The following HERC1 variants were observed in gnomAD, a reference collection of about 807,000 sequenced individuals.
HERC1 encodes the protein HECT and RLD domain containing E3 ubiquitin protein ligase family member 1.
A neutral mutation model predicts 554.3 loss-of-function variants in HERC1; 160 were observed. The observed-to-expected ratio is 0.29, with a 90% confidence interval of 0.25 to 0.33. HERC1 has a LOEUF of 0.33. HERC1 is among the 10% of genes least tolerant of loss of function. HERC1 has a pLI of 1.00. For synonymous variants in HERC1, 2,175 were observed against 2,131.7 expected, an observed-to-expected ratio of 1.02 and a Z score of -0.56; for missense variants, 4,919 against 5,918.5, an observed-to-expected ratio of 0.83 and a Z score of 5.54.
At position 63,657,807 on chromosome 15, in the gene HERC1, A is replaced by C. The variant is rs138312899; in HGVS notation, c.9599+737T>G. 7.2e-5 allele frequency among the ~76,000 whole-genome samples: 11 copies of C among 152,202 alleles called. No homozygotes were observed. In the East Asian group the frequency reaches 2.1e-3, roughly 29 times the overall value. On this transcript the variant is annotated intron_variant, in intron 48 of 77. Coordinates refer to ENST00000443617, the MANE Select transcript of HERC1 (RefSeq NM_003922.4). ...GCCACTTTATAACTATTTGCTTTAT[A>C]TAGTTTGAGGTTGGGACCAAGGCTT...
chr15:63,616,772 C>A lies in HERC1; in HGVS notation c.13689-90G>T, dbSNP rs2067836840. The A allele has an allele frequency of 8.7e-6, 10 of 1,142,872 alleles. No individual in the cohort carries two copies. In the East Asian group the frequency reaches 2.1e-4, roughly 24 times the overall value. The allele number at this position is 1,142,872 out of a possible 1,614,324, so 70.8% of individuals were successfully genotyped here. ...ACAACAGCTATAGCGTTAGTCTATACCTGTACTGTTCAATATGGCATCCAT... is the reference window on the plus strand; with the variant it reads ...ACAACAGCTATAGCGTTAGTCTATAACTGTACTGTTCAATATGGCATCCAT... On this transcript the variant is annotated intron_variant, in intron 74 of 77. Coordinates refer to ENST00000443617, the MANE Select transcript of HERC1 (RefSeq NM_003922.4).
rs558767777 is a variant in HERC1, at chr15:63,814,948, C to G, written c.-27+18879G>C. Among the ~76,000 whole-genome samples the G allele has an allele frequency of 2.6e-5, 4 of 152,322 alleles. No individual in the cohort carries two copies. In the South Asian group the frequency reaches 8.3e-4, roughly 32 times the overall value. On this transcript the variant is annotated intron_variant, in intron 1 of 77. Coordinates refer to ENST00000443617, the MANE Select transcript of HERC1 (RefSeq NM_003922.4). ...GATTATTACAAGTTCATGAATAAAACTGTATAACCTCAGATCTCATGTATA... is the reference window on the plus strand; with the variant it reads ...GATTATTACAAGTTCATGAATAAAAGTGTATAACCTCAGATCTCATGTATA...
intron 3 of HERC1, among the ~76,000 whole-genome samples, chr15:63,763,846 AT>A (rs2075687764): frequency 6.6e-6 from 1 of 152,126 alleles, no homozygotes; most frequent in Non-Finnish European, 1.5e-5. Context: ...TTAATACAAC[AT>A]TTTTTCAATT....
intron 56 of HERC1, 131 bp from the exon 57 acceptor site, chr15:63,645,228 A>G: frequency 1.4e-6 from 1 of 734,406 alleles, no homozygotes; most frequent in Non-Finnish European, 2.3e-6. Flanking sequence ...AGTACATACA[A>G]TCTTTTACAA....
In HERC1 at chr15:63,718,554, T is replaced by G; in HGVS notation, c.3978+20A>C. The G allele has an allele frequency of 6.5e-7, 1 of 1,531,126 alleles. No homozygotes were observed. Among genetic ancestry groups the G allele is most frequent in the Non-Finnish European group, 8.8e-7 (1 of 1,132,828 alleles). 94.8% of individuals were successfully genotyped at this position (1,531,126 alleles called of 1,614,324 possible). A position where few individuals can be genotyped will look rare whatever the true frequency, so the allele number is the denominator to read the frequency against. On this transcript the variant is annotated intron_variant, in intron 21 of 77. Transcript: ENST00000443617. This position sits in a 1 kb window ranked among gnomAD's most constrained non-coding sequence, Gnocchi z 4.2. ...ACAGCTTGCAGAAAAACATAGAAAT[T>G]AATTGATTTCAAACTTTACCCATCT...
Position 63,637,660 on chromosome 15 carries a change from G to T in HERC1, c.12094-17C>A. 6.5e-7 allele frequency: 1 copy of T among 1,536,642 alleles called. No homozygotes were observed. The highest frequency in any genetic ancestry group is 1.4e-5 in the African/African-American group (1 of 72,484). On this transcript the variant is annotated splice_polypyrimidine_tract_variant and intron_variant, in intron 63 of 77. Transcript: ENST00000443617. ...ACAAATGACCTAGTATAAAAACACA[G>T]AATTAAATATTTTATTCTTTATTAT...
At chr15:63,766,057 A>G (rs1596194656) in intron 2 of HERC1, among the ~76,000 whole-genome samples, 1 of 152,046 alleles carries the variant, frequency 6.6e-6, no homozygotes, top group African/African-American at 2.4e-5. Flanking sequence ...TTTGGTTTAC[A>G]TAACTCACTA....
chr15:63,658,727 C>A lies in HERC1; in HGVS notation c.9425-9G>T, dbSNP rs2070184686. The stretch of plus-strand genomic sequence containing the variant: ...TACGGAGCCATGGCAACCTGAAAAA[C>A]ATAATTCTGTTTTGTTCTCAACAAG... On this transcript the variant is annotated splice_polypyrimidine_tract_variant and intron_variant, in intron 47 of 77. Transcript: ENST00000443617. 2.5e-6 allele frequency: 4 copies of A among 1,603,906 alleles called. 1 individual carries two copies. The highest frequency in any genetic ancestry group is 3.4e-6 in the Non-Finnish European group (4 of 1,173,492).
Position 63,713,455 on chromosome 15 carries a change from A to G in HERC1, c.4361T>C (p.Leu1454Ser), listed in dbSNP as rs1399693694. The change falls in exon 23 of 78, where the codon TTA (leucine) becomes TCA (serine). Residue 1454 changes from leucine (L) to serine (S), a missense_variant. By Grantham distance (145) the Leu-to-Ser change is moderately radical (BLOSUM62 -2). Around this residue, in one of 11 missense-constraint regions of HERC1, gnomAD observed 1,121 missense variants for 1,244.0 expected, o/e 0.90. Transcript: ENST00000443617. Reference protein sequence around the residue: ...SVIHRCALLILGVSPVIDELQ... With the variant: ...SVIHRCALLISGVSPVIDELQ... Reference sequence around the variant, plus strand: ...CTCATCTATCACAGGACTTACTCCTAATATTAACAGGGCACACCGATGGAT... The same window carrying G: ...CTCATCTATCACAGGACTTACTCCTGATATTAACAGGGCACACCGATGGAT... 1 of 1,613,878 alleles carries G rather than the reference A, an allele frequency of 6.2e-7. No individual in the cohort carries two copies. The highest frequency in any genetic ancestry group is 8.5e-7 in the Non-Finnish European group (1 of 1,179,882).
At chr15:63,624,427 T>A in intron 71 of HERC1, 100 bp from the exon 72 acceptor site, 1 of 1,102,092 alleles carries the variant, frequency 9.1e-7, no homozygotes, top group East Asian at 2.4e-5. Context: ...CTGGGCGCAG[T>A]GGCTCATGCC....
At chr15:63,651,874 A>G (rs1360828030) in intron 52 of HERC1, among the ~76,000 whole-genome samples, 1 of 152,094 alleles carries the variant, frequency 6.6e-6, no homozygotes, top group Non-Finnish European at 1.5e-5. Context: ...TGTCTCTACT[A>G]ATAATACAAA....
At position 63,674,930 on chromosome 15, in the gene HERC1, G is replaced by A; in HGVS notation, c.7258C>T (p.His2420Tyr). Residue 2420 changes from histidine (H) to tyrosine (Y), a missense_variant, in exon 38 of 78, where the codon CAT becomes TAT. This residue lies in a region of HERC1 where 1,963 missense variants were observed against 2,228.6 expected (regional missense o/e 0.88). Transcript: ENST00000443617. Reference sequence around the variant, plus strand: ...ACATCCCCTTTCTCCTCGGATTCATGTCGGTGTTTCTTTTCATGTCGTTTG... The same window carrying A: ...ACATCCCCTTTCTCCTCGGATTCATATCGGTGTTTCTTTTCATGTCGTTTG... ...STKRHEKKHRHESEEKGDVEQ... is the reference protein window; with the variant it reads ...STKRHEKKHRYESEEKGDVEQ... 3 of 1,613,980 alleles carry A rather than the reference G, an allele frequency of 1.9e-6. No homozygotes were observed. The highest frequency in any genetic ancestry group is 2.2e-5 in the East Asian group (1 of 44,888).
intron 74 of HERC1, among the ~76,000 whole-genome samples, chr15:63,620,380 C>A (rs1157442692): frequency 6.6e-6 from 1 of 151,888 alleles, no homozygotes; most frequent in Non-Finnish European, 1.5e-5. Flanking sequence ...AATTTCTGTT[C>A]TTTTACATTT....
At chr15:63,770,650 G>T (rs2075924261) in intron 2 of HERC1, among the ~76,000 whole-genome samples, 1 of 152,252 alleles carries the variant, frequency 6.6e-6, no homozygotes, top group Non-Finnish European at 1.5e-5. Flanking sequence ...GGGCAGCAGA[G>T]ATTAAGAATC....
intron 22 of HERC1, among the ~76,000 whole-genome samples, chr15:63,716,093 C>T (rs2073540559): frequency 6.6e-6 from 1 of 152,140 alleles, no homozygotes; most frequent in East Asian, 1.9e-4. Context: ...CAGAGCTTCT[C>T]AGCCCTGAAT....
intron 1 of HERC1, among the ~76,000 whole-genome samples, chr15:63,801,683 T>C (rs1220657555): frequency 6.6e-6 from 1 of 152,200 alleles, no homozygotes; most frequent in Non-Finnish European, 1.5e-5. Context: ...ATTATGCATA[T>C]TGAATATAAT....
chr15:63,743,259 TTTTC>T (rs1384684698), intron 12 of HERC1, among the ~76,000 whole-genome samples: 100 of 98,476 alleles, frequency 1.0e-3, no homozygotes, highest in African/African-American at 2.9e-3. Flanking sequence ...CTTTTTTTCT[TTTTC>T]TTTTTTTTTT....
chr15:63,786,919 TA>T (rs202024869), intron 1 of HERC1, among the ~76,000 whole-genome samples: 19,079 of 130,432 alleles, frequency 0.15, 1,807 homozygotes, highest in African/African-American at 0.23. Flanking sequence ...AATAAATTAT[TA>T]TTTTTTTTTT....
At chr15:63,791,319 T>C (rs917982509) in intron 1 of HERC1, among the ~76,000 whole-genome samples, 5 of 152,194 alleles carry the variant, frequency 3.3e-5, no homozygotes, top group Non-Finnish European at 7.3e-5. Flanking sequence ...CTCCTTGGTA[T>C]ATTATGCTGG....
Sources: allele counts gnomAD v4.1 joint callset (sites outside exome capture counted in the v4.1 genomes callset), GRCh38; gene constraint gnomAD v4.1.1; regional missense constraint gnomAD v4.1.1; non-coding constraint Gnocchi (gnomAD v3.1); transcripts MANE v1.5; gene names NCBI Gene and HGNC (gene_info 2026-07-23, HGNC 2026-07-21).